IGF2R: variants seen among roughly 807,000 people sequenced by gnomAD.
IGF2R encodes insulin like growth factor 2 receptor.
In IGF2R, 91 loss-of-function variants were observed where a neutral mutation model predicts 270.6. The observed-to-expected ratio is 0.34, with a 90% confidence interval of 0.28 to 0.40. The LOEUF (loss-of-function observed/expected upper bound fraction) is 0.40. IGF2R is among the 10% of genes least tolerant of loss of function. The pLI is 1.00. For missense variants in IGF2R, 2,805 were observed against 3,188.3 expected (o/e 0.88, Z 2.90); for synonymous variants, 1,316 against 1,258.9 (o/e 1.05, Z -0.96).
At chr6:159,970,863 A>G (rs1346941963) in intron 1 of IGF2R, among the ~76,000 whole-genome samples, 2 of 151,804 alleles carry the variant, frequency 1.3e-5, no homozygotes, top group African/African-American at 4.8e-5. Flanking sequence ...GGGTCACTTG[A>G]GTCCAGGAGT....
Position 160,084,021 on chromosome 6 carries a change from T to G in IGF2R, c.5905T>G (p.Phe1969Val). 1 of 1,614,138 alleles carries G rather than the reference T, an allele frequency of 6.2e-7. No individual in the cohort carries two copies. The highest frequency in any genetic ancestry group is 1.1e-5 in the South Asian group (1 of 91,088). ...EDEDIGRPQV[F>V]SEVRGCDVTF... The stretch of plus-strand genomic sequence containing the variant: ...TGAGGACATTGGGAGGCCACAAGTC[T>G]TCAGTGAAGTGCGTGGGTGTGATGT... The change falls in exon 40 of 48, where the codon TTC becomes GTC. Residue 1969 changes from phenylalanine (F) to valine (V), a missense_variant. Around this residue, in one of 2 missense-constraint regions of IGF2R, gnomAD observed 1,851 missense variants for 2,207.2 expected, o/e 0.84. Transcript: ENST00000356956. This position sits in a 1 kb window ranked among gnomAD's most constrained non-coding sequence, Gnocchi z 4.6.
chr6:160,031,637 C>A (rs549055370), intron 7 of IGF2R, among the ~76,000 whole-genome samples: 28 of 152,138 alleles, frequency 1.8e-4, no homozygotes, highest in Admixed American at 1.8e-3. Flanking sequence ...ATGTGTCAGA[C>A]TGCACTGAGC....
At chr6:160,065,776 ATGTGTATGTG>A (rs1367490010) in intron 29 of IGF2R, among the ~76,000 whole-genome samples, 1 of 109,966 alleles carries the variant, frequency 9.1e-6, no homozygotes, top group Non-Finnish European at 1.8e-5. Context: ...TCCTAGAGAT[ATGTGTATGTG>A]TGTGTGTGTG....
chr6:160,074,193 G>C (rs1333970766), intron 35 of IGF2R: 2 of 563,968 alleles, frequency 3.5e-6, no homozygotes, highest in Non-Finnish European at 6.3e-6. Context: ...TTGAGCATGG[G>C]AGGTAACACG....
intron 1 of IGF2R, among the ~76,000 whole-genome samples, chr6:159,971,831 AT>A (rs1358390788): frequency 6.6e-6 from 1 of 152,054 alleles, no homozygotes; most frequent in Non-Finnish European, 1.5e-5. Flanking sequence ...ATTTTTTAAA[AT>A]TTTTAATAGA....
chr6:159,977,143 C>A (rs1216930898), intron 1 of IGF2R, among the ~76,000 whole-genome samples: 1 of 152,178 alleles, frequency 6.6e-6, no homozygotes, highest in South Asian at 2.1e-4. Context: ...TCTGCGTGGA[C>A]GCTGTAGCTT....
intron 1 of IGF2R, among the ~76,000 whole-genome samples, chr6:159,987,593 T>C (rs532447657): frequency 1.4e-4 from 21 of 152,228 alleles, no homozygotes; most frequent in Admixed American, 4.6e-4. Context: ...AGTTTCACCA[T>C]ACTGGTCAGG....
intron 15 of IGF2R, among the ~76,000 whole-genome samples, chr6:160,046,928 G>A (rs569705723): frequency 1.3e-5 from 2 of 152,300 alleles, no homozygotes; most frequent in East Asian, 1.9e-4. Flanking sequence ...TGCATTCTGC[G>A]TAACTGCAGT....
At chr6:160,043,062 T>C in intron 11 of IGF2R, 86 bp from the exon 12 acceptor site, 1 of 1,466,844 alleles carries the variant, frequency 6.8e-7, no homozygotes, top group Non-Finnish European at 9.4e-7. Context: ...TTTGAGCCCT[T>C]GACTTTTGGC....
chr6:160,014,683 T>C (rs1777245585), intron 4 of IGF2R, among the ~76,000 whole-genome samples: 1 of 152,244 alleles, frequency 6.6e-6, no homozygotes, highest in Non-Finnish European at 1.5e-5. Flanking sequence ...CATCTTGTCT[T>C]GCATCCTACC....
intron 29 of IGF2R, among the ~76,000 whole-genome samples, chr6:160,065,812 G>GTATA (rs1456196890): frequency 3.2e-4 from 22 of 69,358 alleles, no homozygotes; most frequent in African/African-American, 1.2e-3. Flanking sequence ...GTGTGTGTGT[G>GTATA]TGTATATATA....
chr6:160,053,393 C>T (rs943096806), intron 19 of IGF2R, among the ~76,000 whole-genome samples: 1 of 151,646 alleles, frequency 6.6e-6, no homozygotes, highest in Non-Finnish European at 1.5e-5. Flanking sequence ...TGCACATGTA[C>T]CCTAGAACTT....
Position 160,059,001 on chromosome 6 carries a change from T to C in IGF2R, c.2994T>C (p.Asn998=), listed in dbSNP as rs201659422. The C allele has an allele frequency of 2.5e-6, 4 of 1,614,220 alleles. No individual in the cohort carries two copies. The South Asian group carries it at 3.3e-5, about 13-fold the overall frequency. Residue 998 remains asparagine (N), a synonymous_variant, in exon 22 of 48, where the codon AAT becomes AAC. Transcript: ENST00000356956. The stretch of plus-strand genomic sequence containing the variant: ...AAACCCAAACTGAAGAGCTCAAGAA[T>C]TGGAAGCCAGCAAGGCCAGTCGGAA... ...EAETQTEELK[N]WKPARPVGIE...
In IGF2R at chr6:160,047,897, G is replaced by A. The variant is rs1386698425; in HGVS notation, c.2335G>A (p.Asp779Asn). ...CGACCCCTCCACGCTGGAGCAGTAC[G>A]ACCTCTCCAGGTGAGGCAGAGTCAG... ...VTDPSTLEQY[D>N]LSSLAKSEGG... The change falls in exon 17 of 48, where the codon GAC becomes AAC. Residue 779 changes from aspartate (D) to asparagine (N), a missense_variant. By Grantham distance (23) the Asp-to-Asn change is conservative (BLOSUM62 1). This residue lies in a region of IGF2R where 954 missense variants were observed against 981.1 expected (regional missense o/e 0.97). Transcript: ENST00000356956. The A allele has an allele frequency of 4.4e-6, 7 of 1,606,414 alleles. No homozygotes were observed. Among genetic ancestry groups the A allele is most frequent in the Non-Finnish European group, 6.0e-6 (7 of 1,172,980 alleles).
chr6:160,096,290 C>T, intron 44 of IGF2R, 149 bp from the exon 45 acceptor site: 1 of 665,074 alleles, frequency 1.5e-6, no homozygotes, highest in South Asian at 1.9e-5. Flanking sequence ...GCCTCGTAAG[C>T]TGTGAACAGA....
At chr6:159,975,764 A>T (rs1284102462) in intron 1 of IGF2R, among the ~76,000 whole-genome samples, 1 of 147,412 alleles carries the variant, frequency 6.8e-6, no homozygotes, top group African/African-American at 2.5e-5. Flanking sequence ...TATAGTGTAT[A>T]TTATATATGT....
At chr6:160,058,153 T>G in intron 21 of IGF2R, 29 bp downstream of exon 21, 3 of 1,486,046 alleles carry the variant, frequency 2.0e-6, no homozygotes, top group Non-Finnish European at 2.8e-6. Context: ...ATTTCCAGTT[T>G]GCTTTGAAAC....
At chr6:160,040,234 G>A (rs1562353060) in intron 10 of IGF2R, among the ~76,000 whole-genome samples, 1 of 152,114 alleles carries the variant, frequency 6.6e-6, no homozygotes, top group Non-Finnish European at 1.5e-5. Context: ...ACCACAGCCC[G>A]GGAGCAGAGG....
intron 2 of IGF2R, among the ~76,000 whole-genome samples, chr6:159,996,642 G>A (rs984098973): frequency 6.6e-5 from 10 of 152,130 alleles, no homozygotes; most frequent in South Asian, 2.1e-4. Flanking sequence ...GTCACACCCC[G>A]TCCTGGCGCT....
Sources: allele counts gnomAD v4.1 joint callset (sites outside exome capture counted in the v4.1 genomes callset), GRCh38; gene constraint gnomAD v4.1.1; regional missense constraint gnomAD v4.1.1; non-coding constraint Gnocchi (gnomAD v3.1); transcripts MANE v1.5; gene names NCBI Gene and HGNC (gene_info 2026-07-23, HGNC 2026-07-21).